The following MARCHF1 variants were observed in gnomAD, a reference collection of about 807,000 sequenced individuals.
MARCHF1 encodes the protein membrane associated ring-CH-type finger 1.
In MARCHF1, 40 loss-of-function variants were observed where a neutral mutation model predicts 54.2. The ratio of observed to expected loss-of-function variants is 0.74; its 90% CI spans 0.57 to 0.96. The LOEUF is 0.96. MARCHF1 is among the 40% of genes least tolerant of loss of function. MARCHF1 has a pLI of 0.00. For synonymous variants in MARCHF1, 236 were observed against 236.3 expected, an observed-to-expected ratio of 1.00 and a Z score of 0.01; for missense variants, 586 against 656.5, an observed-to-expected ratio of 0.89 and a Z score of 1.17.
At chr4:164,211,510 G>C (rs1345694354) in intron 1 of MARCHF1, among the ~76,000 whole-genome samples, 1 of 151,830 alleles carries the variant, frequency 6.6e-6, no homozygotes, top group African/African-American at 2.4e-5. Flanking sequence ...CCAGTTAAGA[G>C]ACTGTTTTAA....
chr4:163,966,590 A>T (rs1752448903), intron 3 of MARCHF1, among the ~76,000 whole-genome samples: 1 of 152,186 alleles, frequency 6.6e-6, no homozygotes, highest in Non-Finnish European at 1.5e-5. Context: ...AGGAGGCAAT[A>T]TATAACTGAA....
intron 3 of MARCHF1, among the ~76,000 whole-genome samples, chr4:163,974,658 A>G (rs1474597689): frequency 6.6e-6 from 1 of 151,992 alleles, no homozygotes; most frequent in Non-Finnish European, 1.5e-5. Flanking sequence ...AAGAAATTAT[A>G]ATAGATATAT....
rs541994495 is a variant in MARCHF1, at chr4:163,820,548, G to C, written c.111+33473C>G. On this transcript the variant is annotated intron_variant, in intron 4 of 9. Transcript: ENST00000514618. ...TCAAGTTGCAAATCATTTATTCAAA[G>C]TCTAGTTACATCTTACTTTGGATAT... Among the ~76,000 whole-genome samples, 11 of 152,066 alleles carry C rather than the reference G, an allele frequency of 7.2e-5. No homozygotes were observed. In the South Asian group the frequency reaches 2.3e-3, roughly 31 times the overall value.
Position 164,139,492 on chromosome 4 carries a change from C to CAA in MARCHF1, c.-322-27832_-322-27831dup, listed in dbSNP as rs10604087. Among the ~76,000 whole-genome samples the CAA allele has an allele frequency of 1.1e-3, 148 of 129,888 alleles. 2 individuals carry two copies. The highest frequency in any genetic ancestry group is 2.3e-3 in the Admixed American group (29 of 12,580). The allele number at this position is 129,888 out of a possible 152,430, so 85.2% of individuals were successfully genotyped here. A position where few individuals can be genotyped will look rare whatever the true frequency, so the allele number is the denominator to read the frequency against. ...CAGCAACAGCTGAGCTATCTAAAGT[C>CAA]AAAAAAAAAAAAAAGAAGGAAAGGA... On this transcript the variant is annotated intron_variant, in intron 1 of 9. Transcript: ENST00000514618.
In MARCHF1 at chr4:163,571,893, A is replaced by C. The variant is rs182945365; in HGVS notation, c.1191+13856T>G. On this transcript the variant is annotated intron_variant, in intron 8 of 9. Transcript: ENST00000514618. ...CTTTGCTGTCACTTGCTTTTGCTTT[A>C]TTTTAGCCTTTACTCACTTGCCAAC... Among the ~76,000 whole-genome samples, 180 of 152,118 alleles carry C rather than the reference A, an allele frequency of 1.2e-3. 1 individual carries two copies. The highest frequency in any genetic ancestry group is 4.0e-3 in the African/African-American group (166 of 41,512).
At chr4:164,043,991 T>G (rs1722402171) in intron 2 of MARCHF1, among the ~76,000 whole-genome samples, 1 of 152,100 alleles carries the variant, frequency 6.6e-6, no homozygotes, top group Non-Finnish European at 1.5e-5. Flanking sequence ...CTCATCTCCA[T>G]CTGAGACCAC....
chr4:163,802,225 A>G (rs1395589446), intron 4 of MARCHF1, among the ~76,000 whole-genome samples: 1 of 152,096 alleles, frequency 6.6e-6, no homozygotes, highest in African/African-American at 2.4e-5. Context: ...AACATGCCAG[A>G]GTCTATCCGG....
At chr4:163,685,552 T>G (rs1393282048) in intron 5 of MARCHF1, among the ~76,000 whole-genome samples, 1 of 152,172 alleles carries the variant, frequency 6.6e-6, no homozygotes, top group Non-Finnish European at 1.5e-5. Flanking sequence ...CCTCCTGGGT[T>G]GAAGCGATTC....
At chr4:164,154,349 G>A (rs1310794556) in intron 1 of MARCHF1, among the ~76,000 whole-genome samples, 4 of 152,154 alleles carry the variant, frequency 2.6e-5, no homozygotes, top group Non-Finnish European at 4.4e-5. Flanking sequence ...CTATCCACAC[G>A]TTATAGATGA....
At chr4:164,102,785 G>A (rs1411526814) in intron 2 of MARCHF1, among the ~76,000 whole-genome samples, 1 of 147,462 alleles carries the variant, frequency 6.8e-6, no homozygotes, top group African/African-American at 2.6e-5. Context: ...AAATGTCAAT[G>A]GACTAAATGC....
chr4:164,194,510 T>C (rs1428818549), intron 1 of MARCHF1, among the ~76,000 whole-genome samples: 1 of 152,196 alleles, frequency 6.6e-6, no homozygotes, highest in Non-Finnish European at 1.5e-5. Context: ...ATTTTCATTT[T>C]AGTGTTTAAT....
chr4:163,880,942 C>T (rs1750402332), intron 3 of MARCHF1, among the ~76,000 whole-genome samples: 1 of 152,010 alleles, frequency 6.6e-6, no homozygotes, highest in Non-Finnish European at 1.5e-5. Flanking sequence ...AGTTGAGTAC[C>T]CATTATTCCA....
At chr4:164,149,571 T>A (rs968801960) in intron 1 of MARCHF1, among the ~76,000 whole-genome samples, 1 of 152,182 alleles carries the variant, frequency 6.6e-6, no homozygotes, top group African/African-American at 2.4e-5. Context: ...ATACATTTTT[T>A]ATTAAACGTT....
At chr4:164,371,540 A>C (rs948425043) in intron 1 of MARCHF1, among the ~76,000 whole-genome samples, 14 of 152,184 alleles carry the variant, frequency 9.2e-5, no homozygotes, top group African/African-American at 3.4e-4. Context: ...ATTCTTAAAA[A>C]TTCATTTTAA....
intron 3 of MARCHF1, among the ~76,000 whole-genome samples, chr4:163,975,229 C>CAA (rs1560843960): frequency 6.6e-6 from 1 of 151,416 alleles, no homozygotes; most frequent in East Asian, 1.9e-4. Flanking sequence ...CACACACACA[C>CAA]TTCCTATTGT....
At chr4:163,882,399 A>G (rs1750435782) in intron 3 of MARCHF1, among the ~76,000 whole-genome samples, 1 of 152,222 alleles carries the variant, frequency 6.6e-6, no homozygotes, top group South Asian at 2.1e-4. Context: ...CTTCTAAGCT[A>G]TTGAATCTAA....
intron 3 of MARCHF1, among the ~76,000 whole-genome samples, chr4:163,894,145 C>T (rs1036325942): frequency 9.2e-5 from 14 of 152,098 alleles, no homozygotes; most frequent in African/African-American, 2.7e-4. Context: ...AATATTATTT[C>T]GTATTAGGGA....
At chr4:164,328,620 C>T (rs1285163881) in intron 1 of MARCHF1, among the ~76,000 whole-genome samples, 1 of 151,870 alleles carries the variant, frequency 6.6e-6, no homozygotes, top group East Asian at 1.9e-4. Context: ...ACCTCTGCCT[C>T]CTGGGTTCAA....
chr4:163,585,826 T>G lies in MARCHF1; in HGVS notation c.1114A>C (p.Lys372Gln). 6.2e-7 allele frequency: 1 copy of G among 1,614,042 alleles called. No individual in the cohort carries two copies. Among genetic ancestry groups the G allele is most frequent in the Non-Finnish European group, 8.5e-7 (1 of 1,179,938 alleles). Reference protein sequence around the residue: ...VHQSCLHQWIKSSDTRCCELC... With the variant: ...VHQSCLHQWIQSSDTRCCELC... ...TCACAGCAGCGTGTATCTGAGCTCT[T>G]TATCCACTGGTGGAGGCAGGACTGG... The change falls in exon 8 of 10, where the codon AAG becomes CAG. Residue 372 changes from lysine to glutamine, a missense_variant. This residue lies in a region of MARCHF1 where 93 missense variants were observed against 168.2 expected (regional missense o/e 0.55). Transcript: ENST00000514618.
Sources: allele counts gnomAD v4.1 joint callset (sites outside exome capture counted in the v4.1 genomes callset), GRCh38; gene constraint gnomAD v4.1.1; regional missense constraint gnomAD v4.1.1; transcripts MANE v1.5; gene names NCBI Gene and HGNC (gene_info 2026-07-23, HGNC 2026-07-21).